Variants in PCDHA4 observed in about 807,000 individuals in gnomAD.
The protein encoded by PCDHA4 is protocadherin alpha 4.
Under a neutral mutation model 61.4 loss-of-function variants are expected in PCDHA4, and 49 were observed. That is an observed-to-expected ratio of 0.80 (90% CI 0.63 to 1.01). The LOEUF (loss-of-function observed/expected upper bound fraction) is 1.01, where lower values mean the gene tolerates loss of function less well. Among genes scored for constraint, PCDHA4 ranks in the 50% least tolerant of loss-of-function variants. The pLI is 0.00. For missense variants in PCDHA4, 1,254 were observed against 1,235.8 expected (o/e 1.01, Z -0.22); for synonymous variants, 590 against 550.3 (o/e 1.07, Z -1.01).
Position 140,982,555 on chromosome 5 carries a change from C to T in PCDHA4, c.2525C>T (p.Ala842Val). The change falls in exon 3 of 4, where the codon GCA becomes GTA. Residue 842 changes from alanine (A) to valine (V), a missense_variant. Transcript: ENST00000530339. Reference sequence around the variant, plus strand: ...CAGCAGTGGCCAACAGTATCCAGTGCAACACCAGGTAAAGAGCTGGGGTCT... The same window carrying T: ...CAGCAGTGGCCAACAGTATCCAGTGTAACACCAGGTAAAGAGCTGGGGTCT... Reference protein sequence around the residue: ...PDQQWPTVSSATPEPEAGEVS... With the variant: ...PDQQWPTVSSVTPEPEAGEVS... The T allele has an allele frequency of 6.2e-7, 1 of 1,614,108 alleles. No homozygotes were observed. The highest frequency in any genetic ancestry group is 8.5e-7 in the Non-Finnish European group (1 of 1,179,990).
At chr5:140,877,497 C>G in intron 1 of PCDHA4, 1 of 1,613,848 alleles carries the variant, frequency 6.2e-7, no homozygotes, top group South Asian at 1.1e-5. Context: ...ACGGCCAGGC[C>G]CCAAAGACGT....
intron 1 of PCDHA4, among the ~76,000 whole-genome samples, chr5:140,922,795 G>C (rs1393016233): frequency 7.9e-5 from 12 of 152,152 alleles, no homozygotes; most frequent in African/African-American, 2.9e-4. Context: ...TGTAGCTTTG[G>C]AATACAGAAA....
intron 1 of PCDHA4, among the ~76,000 whole-genome samples, chr5:140,845,743 T>C (rs2150214472): frequency 6.7e-6 from 1 of 149,754 alleles, no homozygotes; most frequent in East Asian, 1.9e-4. Flanking sequence ...ACTTTATAGA[T>C]TTATTTGTAT....
intron 1 of PCDHA4, among the ~76,000 whole-genome samples, chr5:140,976,568 TA>T (rs2096723296): frequency 6.6e-6 from 1 of 152,050 alleles, no homozygotes; most frequent in Non-Finnish European, 1.5e-5. Context: ...AATAAATAAA[TA>T]TAAATAAAAC....
In PCDHA4 at chr5:140,822,628, C is replaced by T. The variant is rs1170983907; in HGVS notation, c.2385+13056C>T. On this transcript the variant is annotated intron_variant, in intron 1 of 3. Transcript: ENST00000530339. The stretch of plus-strand genomic sequence containing the variant: ...AGTGTATTTCTTTAGTAATCTTGTT[C>T]TTGACGATGTAAAGTCCAAATTTAT... 3.7e-6 allele frequency: 6 copies of T among 1,610,966 alleles called. No individual in the cohort carries two copies. Among genetic ancestry groups the T allele is most frequent in the African/African-American group, 1.3e-5 (1 of 74,788 alleles).
At chr5:141,009,271 A>G (rs1420991909) in intron 3 of PCDHA4, among the ~76,000 whole-genome samples, 15 of 152,156 alleles carry the variant, frequency 9.9e-5, no homozygotes, top group Admixed American at 6.5e-4. Context: ...CCTGGGCAAC[A>G]TAGTGAGATC....
intron 1 of PCDHA4, among the ~76,000 whole-genome samples, chr5:140,964,622 T>C (rs1435749865): frequency 2.0e-5 from 3 of 152,048 alleles, no homozygotes; most frequent in Non-Finnish European, 4.4e-5. Flanking sequence ...ATTCCACTTA[T>C]AAGCCATTTA....
chr5:140,993,508 ACG>A (rs2097567607), intron 3 of PCDHA4, among the ~76,000 whole-genome samples: 1 of 147,006 alleles, frequency 6.8e-6, no homozygotes, highest in Non-Finnish European at 1.5e-5. Context: ...ACACACACAC[ACG>A]GGGAGAGAGA....
At position 140,845,521 on chromosome 5, in the gene PCDHA4, A is replaced by G. The variant is rs1275261867; in HGVS notation, c.2385+35949A>G. Among the ~76,000 whole-genome samples, 5 of 149,702 alleles carry G rather than the reference A, an allele frequency of 3.3e-5. No homozygotes were observed. In the East Asian group the frequency reaches 9.7e-4, roughly 29 times the overall value. ...GTCTAAACCTATTTCTTGTACATTA[A>G]TACTTTTCACTATTCTAATTATGGT... On this transcript the variant is annotated intron_variant, in intron 1 of 3. Transcript: ENST00000530339.
intron 1 of PCDHA4, among the ~76,000 whole-genome samples, chr5:140,947,528 T>C (rs1175792550): frequency 6.6e-6 from 1 of 151,692 alleles, no homozygotes; most frequent in African/African-American, 2.4e-5. Context: ...GAATCAACTT[T>C]TCAATTTCTA....
At chr5:140,913,414 C>T (rs1451385869) in intron 1 of PCDHA4, among the ~76,000 whole-genome samples, 3 of 152,102 alleles carry the variant, frequency 2.0e-5, no homozygotes, top group African/African-American at 7.2e-5. Context: ...TGAATTCCTG[C>T]AGTATCAGTT....
At chr5:140,854,852 A>G (rs1161281269) in intron 1 of PCDHA4, among the ~76,000 whole-genome samples, 1 of 149,940 alleles carries the variant, frequency 6.7e-6, no homozygotes, top group African/African-American at 2.4e-5. Flanking sequence ...TGATAAAATT[A>G]CTAGATATAT....
chr5:140,841,575 T>C (rs1220947138), intron 1 of PCDHA4: 1 of 1,613,812 alleles, frequency 6.2e-7, no homozygotes, highest in Non-Finnish European at 8.5e-7. Flanking sequence ...GGCATTTTGT[T>C]TGTGAATTCT....
intron 1 of PCDHA4, chr5:140,830,369 T>C: frequency 6.2e-7 from 1 of 1,614,088 alleles, no homozygotes; most frequent in African/African-American, 1.3e-5. Context: ...GAGGGTGTGC[T>C]CCGGGGAGGG....
At chr5:140,835,811 T>C (rs2150245385) in intron 1 of PCDHA4, 22 of 1,612,912 alleles carry the variant, frequency 1.4e-5, no homozygotes, top group African/African-American at 1.1e-4. Flanking sequence ...ACATCTTCAC[T>C]GTGTCGGCGG....
In PCDHA4 at chr5:140,928,350, T is replaced by C. The variant is rs144619371; in HGVS notation, c.2386-50599T>C. The C allele has an allele frequency of 1.3e-5, 21 of 1,614,098 alleles. No homozygotes were observed. The African/African-American group carries it at 2.1e-4, about 16-fold the overall frequency. On this transcript the variant is annotated intron_variant, in intron 1 of 3. Coordinates refer to ENST00000530339, the MANE Select transcript of PCDHA4 (RefSeq NM_018907.4). ...GCCTTGTCTCTTATGAGCTGTTGGA[T>C]GTTATCTCTGAAGGGCCATCAGCCT...
intron 1 of PCDHA4, among the ~76,000 whole-genome samples, chr5:140,941,438 C>G (rs1408570275): frequency 6.6e-6 from 1 of 150,766 alleles, no homozygotes; most frequent in East Asian, 1.9e-4. Flanking sequence ...GCCTCAGCCT[C>G]GGGAGTAGCT....
intron 1 of PCDHA4, chr5:140,883,811 G>C (rs782535066): frequency 6.2e-7 from 1 of 1,612,586 alleles, no homozygotes; most frequent in South Asian, 1.1e-5. Context: ...CGCGGAGAGC[G>C]GCAAGGTGTA....
At chr5:140,898,816 C>T (rs1216644860) in intron 1 of PCDHA4, among the ~76,000 whole-genome samples, 5 of 152,148 alleles carry the variant, frequency 3.3e-5, no homozygotes, top group African/African-American at 1.2e-4. Context: ...TTCTTCCTAC[C>T]CATGAGCATG....
Sources: gnomAD v4.1 joint callset for allele counts (sites outside exome capture counted in the v4.1 genomes callset) on GRCh38, gnomAD v4.1.1 for gene constraint, MANE v1.5 for transcripts, NCBI Gene and HGNC (gene_info 2026-07-23, HGNC 2026-07-21) for gene names.